The following MCOLN3 variants were observed in gnomAD, a reference collection of about 807,000 sequenced individuals.
MCOLN3 encodes mucolipin TRP cation channel 3.
In MCOLN3, 62 loss-of-function variants were observed where a neutral mutation model predicts 69.4. The observed-to-expected ratio is 0.89, with a 90% CI of 0.73 to 1.10. MCOLN3 has a LOEUF of 1.10. MCOLN3 is among the 50% of genes least tolerant of loss of function. The pLI, the probability that MCOLN3 is intolerant of heterozygous loss-of-function variation, is 0.00. For missense variants in MCOLN3, 564 were observed against 656.4 expected, an observed-to-expected ratio of 0.86 and a Z score of 1.54; for synonymous variants, 183 against 217.0, an observed-to-expected ratio of 0.84 and a Z score of 1.38.
chr1:85,021,112 A>T lies in MCOLN3; in HGVS notation c.1485T>A (p.Ser495Arg). 1 of 1,611,748 alleles carries T rather than the reference A, an allele frequency of 6.2e-7. No homozygotes were observed. The highest frequency in any genetic ancestry group is 8.5e-7 in the Non-Finnish European group (1 of 1,179,254). ...TATCAGTGATCAGTGCAATGAAAAG[A>T]CTTAAAATCATATATATAAAGAGGC... ...FISLFIYMIL[S>R]LFIALITDTY... is the part of the protein sequence containing the mutation. Residue 495 changes from serine (S) to arginine (R), a missense_variant, in exon 12 of 13, where the codon AGT becomes AGA. By Grantham distance (110) the Ser-to-Arg change is moderately radical (BLOSUM62 -1). Transcript: ENST00000370589.
intron 9 of MCOLN3, chr1:85,025,335 C>A (rs1410369082): frequency 1.3e-5 from 2 of 152,124 alleles, no homozygotes; most frequent in African/African-American, 4.8e-5. Flanking sequence ...TAAGTTTGAG[C>A]AAGATTAGTC....
In MCOLN3 at chr1:85,030,128, C is replaced by T. The variant is rs921146152; in HGVS notation, c.733-923G>A. On this transcript the variant is annotated intron_variant, in intron 6 of 12. Coordinates refer to ENST00000370589, the MANE Select transcript of MCOLN3 (RefSeq NM_018298.11). ...AGTCAGTGTCTGCCCATATCCCTAACGGCTGCAAGACCCAGCCTATGGCCT... is the reference window on the plus strand; with the variant it reads ...AGTCAGTGTCTGCCCATATCCCTAATGGCTGCAAGACCCAGCCTATGGCCT... Among the ~76,000 whole-genome samples the T allele has an allele frequency of 5.9e-5, 9 of 152,204 alleles. No individual in the cohort carries two copies. The South Asian group carries it at 6.2e-4, about 10-fold the overall frequency.
intron 2 of MCOLN3, among the ~76,000 whole-genome samples, chr1:85,043,964 G>A (rs1381334224): frequency 6.6e-6 from 1 of 151,894 alleles, no homozygotes; most frequent in Non-Finnish European, 1.5e-5. Context: ...ATGTTACCCA[G>A]GCTGGTCTGG....
chr1:85,037,294 G>T (rs1201526108), intron 3 of MCOLN3, among the ~76,000 whole-genome samples: 2 of 152,124 alleles, frequency 1.3e-5, no homozygotes, highest in East Asian at 3.9e-4. Context: ...GTACCCAGTA[G>T]ACCAGTGTGC....
chr1:85,019,068 G>A lies in MCOLN3; in HGVS notation c.*55C>T, dbSNP rs146944900. On this transcript the variant is annotated 3_prime_UTR_variant, in exon 13 of 13. Transcript: ENST00000370589. ...CATCTGATCTCAGAATATCCACAGTGTTCCAACTCAGCTACACATTATATT... is the reference window on the plus strand; with the variant it reads ...CATCTGATCTCAGAATATCCACAGTATTCCAACTCAGCTACACATTATATT... The A allele has an allele frequency of 2.0e-4, 304 of 1,553,702 alleles. 1 individual carries two copies. In the East Asian group the frequency reaches 6.5e-3, roughly 33 times the overall value.
chr1:85,044,514 T>C (rs777756737), intron 2 of MCOLN3, among the ~76,000 whole-genome samples: 3 of 152,192 alleles, frequency 2.0e-5, no homozygotes, highest in Non-Finnish European at 2.9e-5. Context: ...TCACAACCAG[T>C]ATATATTAAG....
chr1:85,044,097 C>G (rs1244314108), intron 2 of MCOLN3, among the ~76,000 whole-genome samples: 1 of 152,156 alleles, frequency 6.6e-6, no homozygotes, highest in Non-Finnish European at 1.5e-5. Flanking sequence ...TCAGTTTCCT[C>G]TTCTGTAAAA....
intron 9 of MCOLN3, among the ~76,000 whole-genome samples, chr1:85,023,702 A>C (rs1652068713): frequency 6.6e-6 from 1 of 152,190 alleles, no homozygotes; most frequent in Non-Finnish European, 1.5e-5. Flanking sequence ...TGGCATATAG[A>C]TACTAAGCTG....
intron 2 of MCOLN3, among the ~76,000 whole-genome samples, chr1:85,043,444 C>T (rs1004593400): frequency 2.6e-5 from 4 of 151,562 alleles, no homozygotes; most frequent in Non-Finnish European, 5.9e-5. Flanking sequence ...GCAGGAGAAT[C>T]GCTTGAACCC....
At chr1:85,032,425 C>G (rs989815998) in intron 6 of MCOLN3, among the ~76,000 whole-genome samples, 2 of 152,100 alleles carry the variant, frequency 1.3e-5, no homozygotes, top group African/African-American at 4.8e-5. Context: ...AAAATCTATA[C>G]CAGGCACTGT....
chr1:85,030,389 A>C (rs184943478), intron 6 of MCOLN3, among the ~76,000 whole-genome samples: 8 of 152,252 alleles, frequency 5.3e-5, no homozygotes, highest in Non-Finnish European at 5.9e-5. Context: ...AGAAGAAAAA[A>C]CAGTGAATTT....
chr1:85,040,943 T>C, intron 3 of MCOLN3, 67 bp downstream of exon 3: 1 of 1,506,276 alleles, frequency 6.6e-7, no homozygotes. Context: ...GTTTCTATTA[T>C]GTACATTGCC....
Position 85,022,354 on chromosome 1 carries a change from G to A in MCOLN3, c.1142C>T (p.Thr381Ile). Residue 381 changes from threonine to isoleucine, a missense_variant, in exon 10 of 13, where the codon ACC becomes ATC. Transcript: ENST00000370589. The stretch of plus-strand genomic sequence containing the variant: ...GATGACTCCAAGCCACACGAGCATG[G>A]TAGAAGTCCCAAGAAGTATGCTACA... ...DVCSILLGTSTMLVWLGVIRY... is the reference protein window; with the variant it reads ...DVCSILLGTSIMLVWLGVIRY... 6.2e-7 allele frequency: 1 copy of A among 1,613,626 alleles called. No individual in the cohort carries two copies. The highest frequency in any genetic ancestry group is 8.5e-7 in the Non-Finnish European group (1 of 1,179,644).
rs772428803 is a variant in MCOLN3, at chr1:85,021,125, T to C, written c.1472A>G (p.Tyr491Cys). 2.5e-6 allele frequency: 4 copies of C among 1,612,292 alleles called. No individual in the cohort carries two copies. The highest frequency in any genetic ancestry group is 2.2e-5 in the South Asian group (2 of 90,938). The change falls in exon 12 of 13, where the codon TAT (tyrosine) becomes TGT (cysteine). Residue 491 changes from tyrosine (Y) to cysteine (C), a missense_variant. Physicochemically the swap from Tyr to Cys is radical, Grantham distance 194. Transcript: ENST00000370589. ...YLYSFISLFI[Y>C]MILSLFIALI... ...TGCAATGAAAAGACTTAAAATCATA[T>C]ATATAAAGAGGCTGATGAATGAGTA... is the stretch of plus-strand genomic sequence containing the variant.
In MCOLN3 at chr1:85,020,919, A is replaced by G. The variant is rs1651894889; in HGVS notation, c.1527+151T>C. The G allele has an allele frequency of 7.4e-6, 4 of 538,792 alleles. No homozygotes were observed. In the East Asian group the frequency reaches 1.3e-4, roughly 18 times the overall value. The allele number at this position is 538,792 out of a possible 1,614,324, so 33.4% of individuals were successfully genotyped here. A position where few individuals can be genotyped will look rare whatever the true frequency, so the allele number is the denominator to read the frequency against. ...AACATTCAATTTTTCCACTAGTTCTATTTATCAATTTCTAAAAATAAGGTC... is the reference window on the plus strand; with the variant it reads ...AACATTCAATTTTTCCACTAGTTCTGTTTATCAATTTCTAAAAATAAGGTC... On this transcript the variant is annotated intron_variant, in intron 12 of 12. Coordinates refer to ENST00000370589, the MANE Select transcript of MCOLN3 (RefSeq NM_018298.11).
chr1:85,041,909 G>T (rs1235577501), intron 2 of MCOLN3, among the ~76,000 whole-genome samples: 1 of 138,462 alleles, frequency 7.2e-6, no homozygotes, highest in African/African-American at 2.7e-5. Context: ...ATACTCTTAA[G>T]TCTCTCTTTT....
chr1:85,043,386 CG>C (rs1463722955), intron 2 of MCOLN3, among the ~76,000 whole-genome samples: 1 of 151,960 alleles, frequency 6.6e-6, no homozygotes, highest in Admixed American at 6.6e-5. Flanking sequence ...AAAAATTAGC[CG>C]GGCATGGTGG....
At position 85,021,276 on chromosome 1, in the gene MCOLN3, AC is replaced by A; in HGVS notation, c.1321-1del. Reference sequence around the variant, plus strand: ...TCAGAGACCATGTTCAGAGAACGAAACTGGAAAAAGAAAAGAGAAAAGTTCA... The same window carrying A: ...TCAGAGACCATGTTCAGAGAACGAAATGGAAAAAGAAAAGAGAAAAGTTCA... On this transcript the variant is annotated splice_acceptor_variant, in intron 11 of 12. Transcript: ENST00000370589. LOFTEE classifies it high-confidence loss of function. 6.2e-7 allele frequency: 1 copy of A among 1,605,548 alleles called. No individual in the cohort carries two copies. Among genetic ancestry groups the A allele is most frequent in the South Asian group, 1.1e-5 (1 of 88,630 alleles).
intron 9 of MCOLN3, chr1:85,023,560 A>T (rs1008426374): frequency 3.9e-5 from 6 of 152,202 alleles, no homozygotes; most frequent in African/African-American, 1.4e-4. Context: ...GGGGCTTTAG[A>T]TGTTCTGTTT....
Sources: allele counts gnomAD v4.1 joint callset (sites outside exome capture counted in the v4.1 genomes callset), GRCh38; gene constraint gnomAD v4.1.1; transcripts MANE v1.5; gene names NCBI Gene and HGNC (gene_info 2026-07-23, HGNC 2026-07-21).